PPP4R3B: variants seen among roughly 807,000 people sequenced by gnomAD.
The protein encoded by PPP4R3B is protein phosphatase 4 regulatory subunit 3B.
In PPP4R3B, 52 loss-of-function variants were observed where a neutral mutation model predicts 95.4. The observed-to-expected ratio is 0.54, with a 90% CI of 0.44 to 0.69. The LOEUF is 0.69. Among genes scored for constraint, PPP4R3B ranks in the 30% least tolerant of loss-of-function variants. PPP4R3B has a pLI of 0.00. For missense variants in PPP4R3B, 1,003 were observed against 1,005.9 expected, an observed-to-expected ratio of 1.00 and a Z score of 0.04; for synonymous variants, 407 against 343.9, an observed-to-expected ratio of 1.18 and a Z score of -2.03.
chr2:55,586,142 G>T (rs943517107), intron 6 of PPP4R3B, among the ~76,000 whole-genome samples: 1 of 152,042 alleles, frequency 6.6e-6, no homozygotes, highest in East Asian at 1.9e-4. Context: ...GGTGAAAAAA[G>T]TTCTATTATT....
intron 12 of PPP4R3B, among the ~76,000 whole-genome samples, chr2:55,572,711 T>C (rs1217442843): frequency 6.6e-6 from 1 of 152,140 alleles, no homozygotes. Flanking sequence ...TGAGAATCTA[T>C]CCTATAGAAA....
chr2:55,579,373 A>G (rs149773148), intron 9 of PPP4R3B, among the ~76,000 whole-genome samples: 57 of 148,690 alleles, frequency 3.8e-4, no homozygotes, highest in African/African-American at 1.4e-3. Context: ...CTACATATCA[A>G]TTCCTTAGTG....
intron 2 of PPP4R3B, among the ~76,000 whole-genome samples, chr2:55,612,639 A>T (rs559717850): frequency 4.1e-4 from 63 of 152,222 alleles, no homozygotes; most frequent in African/African-American, 1.5e-3. Context: ...ATCTTTACAA[A>T]TTTTTTAAAA....
intron 14 of PPP4R3B, 22 bp from the exon 15 acceptor site, chr2:55,564,519 T>C: frequency 6.4e-7 from 1 of 1,553,848 alleles, no homozygotes; most frequent in East Asian, 2.3e-5. Context: ...ATATCACAAA[T>C]ATTGAGTAAT....
In PPP4R3B at chr2:55,591,752, T is replaced by C. The variant is rs139379635; in HGVS notation, c.922-2796A>G. The C allele has an allele frequency of 1.2e-3, 831 of 691,748 alleles. 3 individuals are homozygous for C. The highest frequency in any genetic ancestry group is 0.011 in the African/African-American group (570 of 51,484). 42.9% of individuals were successfully genotyped at this position (691,748 alleles called of 1,614,324 possible). On this transcript the variant is annotated intron_variant, in intron 4 of 16. Transcript: ENST00000616407. ...CAATTATTACAGTCCATTAAGAGAA[T>C]ATGTATTCCTAGTATTTTTTCCCTG...
At chr2:55,583,477 T>C (rs940080841) in intron 7 of PPP4R3B, among the ~76,000 whole-genome samples, 1 of 152,152 alleles carries the variant, frequency 6.6e-6, no homozygotes, top group African/African-American at 2.4e-5. Context: ...AAAACAGGAA[T>C]CAAAGCTTGA....
At chr2:55,589,766 A>T (rs1449494343) in intron 4 of PPP4R3B, among the ~76,000 whole-genome samples, 1 of 151,332 alleles carries the variant, frequency 6.6e-6, no homozygotes, top group African/African-American at 2.4e-5. Context: ...ATACAAAAAA[A>T]TTAGCCAGGC....
Position 55,588,938 on chromosome 2 carries a change from A to G in PPP4R3B, c.940T>C (p.Ser314Pro), listed in dbSNP as rs1333731010. 6.2e-7 allele frequency: 1 copy of G among 1,607,414 alleles called. No homozygotes were observed. The highest frequency in any genetic ancestry group is 1.3e-5 in the African/African-American group (1 of 74,916). Residue 314 changes from serine to proline, a missense_variant, in exon 5 of 17, where the codon TCT (serine) becomes CCT (proline). Transcript: ENST00000616407. ...SMLQEDEKFL[S>P]EVFAQLTDEA... Reference sequence around the variant, plus strand: ...TCTGTTAATTGTGCAAAAACTTCAGACAAAAACTTCTCATCTTCCTGCATG... The same window carrying G: ...TCTGTTAATTGTGCAAAAACTTCAGGCAAAAACTTCTCATCTTCCTGCATG...
chr2:55,566,147 C>G (rs943118068), intron 13 of PPP4R3B, among the ~76,000 whole-genome samples: 1 of 152,006 alleles, frequency 6.6e-6, no homozygotes, highest in Non-Finnish European at 1.5e-5. Flanking sequence ...ACACACAGGT[C>G]ATTTCTTGAA....
intron 8 of PPP4R3B, among the ~76,000 whole-genome samples, chr2:55,581,054 A>G (rs1574789786): frequency 6.6e-6 from 1 of 152,254 alleles, no homozygotes; most frequent in East Asian, 1.9e-4. Context: ...GGGGTTCAAG[A>G]CCAGCCTGAC....
At chr2:55,571,171 G>T (rs566869333) in intron 12 of PPP4R3B, among the ~76,000 whole-genome samples, 1 of 152,152 alleles carries the variant, frequency 6.6e-6, no homozygotes, top group South Asian at 2.1e-4. Flanking sequence ...TTAGCCAGGT[G>T]TGGTGGCAGG....
At chr2:55,603,546 T>C (rs1011388582) in intron 3 of PPP4R3B, among the ~76,000 whole-genome samples, 1 of 152,362 alleles carries the variant, frequency 6.6e-6, no homozygotes, top group South Asian at 2.1e-4. Flanking sequence ...ATATTCTATA[T>C]ATCCTGCTAC....
At chr2:55,603,521 C>T (rs1163337728) in intron 3 of PPP4R3B, among the ~76,000 whole-genome samples, 1 of 152,134 alleles carries the variant, frequency 6.6e-6, no homozygotes, top group African/African-American at 2.4e-5. Flanking sequence ...ATTCTAGTTA[C>T]TTAAGAGTTA....
At chr2:55,615,406 G>A (rs770582344) in intron 2 of PPP4R3B, 45 bp downstream of exon 2, 6 of 1,351,562 alleles carry the variant, frequency 4.4e-6, no homozygotes, top group Admixed American at 3.9e-5. Flanking sequence ...ATACTTCCTT[G>A]ATCACAGATG....
intron 11 of PPP4R3B, among the ~76,000 whole-genome samples, chr2:55,576,706 A>G (rs925380101): frequency 6.6e-6 from 1 of 152,244 alleles, no homozygotes; most frequent in Non-Finnish European, 1.5e-5. Flanking sequence ...CATCTCAAAA[A>G]AAATAAAAAA....
intron 3 of PPP4R3B, among the ~76,000 whole-genome samples, chr2:55,601,455 A>G (rs1275623314): frequency 6.7e-6 from 1 of 150,356 alleles, no homozygotes. Flanking sequence ...ATCTCGGCTC[A>G]CTGCAAGCTC....
chr2:55,578,215 T>G (rs1251450304), intron 10 of PPP4R3B, 32 bp downstream of exon 10: 6 of 1,364,894 alleles, frequency 4.4e-6, no homozygotes, highest in Non-Finnish European at 5.7e-6. Flanking sequence ...CATAAGTAAA[T>G]ATAGGAGTGA....
At chr2:55,565,077 A>G in intron 13 of PPP4R3B, 36 bp from the exon 14 acceptor site, 1 of 1,468,504 alleles carries the variant, frequency 6.8e-7, no homozygotes, top group Non-Finnish European at 9.1e-7. Context: ...AAAATATAAT[A>G]CAATGCTTGT....
At chr2:55,591,904 T>A (rs1691084525) in intron 4 of PPP4R3B, among the ~76,000 whole-genome samples, 1 of 152,214 alleles carries the variant, frequency 6.6e-6, no homozygotes, top group Non-Finnish European at 1.5e-5. Flanking sequence ...TACTCCAAAA[T>A]CTCTGGTTCT....
Sources: gnomAD v4.1 joint callset for allele counts (sites outside exome capture counted in the v4.1 genomes callset) on GRCh38, gnomAD v4.1.1 for gene constraint, MANE v1.5 for transcripts, NCBI Gene and HGNC (gene_info 2026-07-23, HGNC 2026-07-21) for gene names.